The following KAT6B variants were observed in gnomAD, a reference collection of about 807,000 sequenced individuals.
The protein encoded by KAT6B is histone acetyltransferase KAT6B.
In KAT6B, 10 loss-of-function variants were observed where a neutral mutation model predicts 187.5. The observed-to-expected ratio is 0.05, with a 90% confidence interval of 0.03 to 0.09. KAT6B has a LOEUF of 0.09. Among genes scored for constraint, KAT6B ranks in the 10% least tolerant of loss-of-function variants. KAT6B has a pLI of 1.00. For synonymous variants in KAT6B, 861 were observed against 926.8 expected, an observed-to-expected ratio of 0.93 and a Z score of 1.29; for missense variants, 1,952 against 2,558.9, an observed-to-expected ratio of 0.76 and a Z score of 5.12.
At chr10:75,001,504 C>T (rs1344677020) in intron 13 of KAT6B, among the ~76,000 whole-genome samples, 1 of 152,184 alleles carries the variant, frequency 6.6e-6, no homozygotes, top group African/African-American at 2.4e-5. Context: ...AAAGCTGCTT[C>T]TTCCCAGAAT....
intron 13 of KAT6B, among the ~76,000 whole-genome samples, chr10:74,990,185 A>ACT: frequency 8.2e-6 from 1 of 122,116 alleles, no homozygotes; most frequent in African/African-American, 3.2e-5. Flanking sequence ...ACAGAGTGAG[A>ACT]GACTCTGTCT....
At chr10:74,898,902 G>A (rs568135271) in intron 3 of KAT6B, among the ~76,000 whole-genome samples, 39 of 151,420 alleles carry the variant, frequency 2.6e-4, no homozygotes, top group Middle Eastern at 3.4e-3. Context: ...TGTAATCCTA[G>A]CACTCTGGGA....
intron 6 of KAT6B, among the ~76,000 whole-genome samples, chr10:74,972,103 G>A (rs937909832): frequency 6.6e-5 from 10 of 151,624 alleles, no homozygotes; most frequent in African/African-American, 1.7e-4. Flanking sequence ...TTTAGTGTTG[G>A]AACTTTCCAG....
intron 3 of KAT6B, among the ~76,000 whole-genome samples, chr10:74,881,809 G>A (rs7911450): frequency 0.3 from 45,522 of 152,084 alleles, 12,306 homozygotes; most frequent in African/African-American, 0.71. Context: ...TCATGTCACT[G>A]TGCCTGGCTA....
At chr10:74,972,295 G>A (rs1014790403) in intron 6 of KAT6B, among the ~76,000 whole-genome samples, 1 of 152,086 alleles carries the variant, frequency 6.6e-6, no homozygotes, top group African/African-American at 2.4e-5. Flanking sequence ...TTCTGAGAGA[G>A]GGGCCACCTC....
In KAT6B at chr10:74,988,527, C is replaced by T. The variant is rs1842948478; in HGVS notation, c.2536-492C>T. ...TTCATAGGAGAAATATATGTGTGCA[C>T]ATCTACCCACACAGATACTGTTTTA... On this transcript the variant is annotated intron_variant, in intron 12 of 17. Transcript: ENST00000287239. Among the ~76,000 whole-genome samples the T allele has an allele frequency of 5.9e-5, 9 of 152,218 alleles. No individual in the cohort carries two copies. In the South Asian group the frequency reaches 1.9e-3, roughly 31 times the overall value.
intron 4 of KAT6B, among the ~76,000 whole-genome samples, chr10:74,961,282 ACT>A (rs1476330428): frequency 1.3e-5 from 2 of 151,754 alleles, no homozygotes; most frequent in African/African-American, 2.4e-5. Context: ...ATCAGTTCTG[ACT>A]CTGTCGTTAT....
At chr10:74,981,293 T>TGC (rs1471883880) in intron 10 of KAT6B, among the ~76,000 whole-genome samples, 1 of 148,984 alleles carries the variant, frequency 6.7e-6, no homozygotes, top group East Asian at 2.0e-4. Flanking sequence ...TTGGCTGGCT[T>TGC]TCTTTCTTTC....
chr10:74,898,418 T>C (rs866554184), intron 3 of KAT6B, among the ~76,000 whole-genome samples: 4 of 152,274 alleles, frequency 2.6e-5, no homozygotes, highest in Middle Eastern at 3.4e-3. Flanking sequence ...TTTTCTAACA[T>C]TGTCTCAGTG....
At chr10:74,902,541 G>A (rs557263406) in intron 3 of KAT6B, among the ~76,000 whole-genome samples, 109 of 152,236 alleles carry the variant, frequency 7.2e-4, no homozygotes, top group South Asian at 1.7e-3. Flanking sequence ...CCTGTAAACC[G>A]ACTATTCAAA....
intron 3 of KAT6B, among the ~76,000 whole-genome samples, chr10:74,854,056 G>C (rs1331248337): frequency 1.2e-4 from 19 of 152,176 alleles, no homozygotes; most frequent in Admixed American, 1.2e-3. Flanking sequence ...ACTGTTCTCT[G>C]ATCACACTAG....
At chr10:75,007,843 G>A (rs1299322265) in intron 13 of KAT6B, among the ~76,000 whole-genome samples, 1 of 152,080 alleles carries the variant, frequency 6.6e-6, no homozygotes, top group African/African-American at 2.4e-5. Context: ...ATTTATTGGT[G>A]GCATCCTACT....
chr10:74,875,026 C>G (rs1844308608), intron 3 of KAT6B, among the ~76,000 whole-genome samples: 1 of 152,092 alleles, frequency 6.6e-6, no homozygotes. Flanking sequence ...ATTGCACAGC[C>G]TTATCACCCA....
chr10:74,961,734 C>T (rs1352568525), intron 4 of KAT6B, among the ~76,000 whole-genome samples: 1 of 152,188 alleles, frequency 6.6e-6, no homozygotes, highest in Non-Finnish European at 1.5e-5. Context: ...TTTGAGGTCA[C>T]TGAAAATTTC....
intron 3 of KAT6B, among the ~76,000 whole-genome samples, chr10:74,847,125 G>C (rs1354668661): frequency 6.6e-6 from 1 of 152,160 alleles, no homozygotes; most frequent in East Asian, 1.9e-4. Flanking sequence ...GTCTAGGATT[G>C]AGAGCAGAGT....
chr10:75,031,257 C>A lies in KAT6B; in HGVS notation c.*211C>A. The A allele has an allele frequency of 1.7e-6, 1 of 584,786 alleles. No homozygotes were observed. The highest frequency in any genetic ancestry group is 3.0e-6 in the Non-Finnish European group (1 of 337,416). The allele number at this position is 584,786 out of a possible 1,614,324, so 36.2% of individuals were successfully genotyped here. ...TTTTCCTTTTTCTTTTTTTTGGTAC[C>A]TTCATTTCTGTTACTTTTATATAAA... On this transcript the variant is annotated 3_prime_UTR_variant, in exon 18 of 18. Transcript: ENST00000287239.
intron 3 of KAT6B, among the ~76,000 whole-genome samples, chr10:74,858,283 A>ATTTTTTT (rs755754008): frequency 2.2e-5 from 3 of 135,142 alleles, no homozygotes; most frequent in Non-Finnish European, 4.8e-5. Context: ...TGGATGGGCA[A>ATTTTTTT]TTTTTTTTTT....
chr10:75,025,244 G>A lies in KAT6B; in HGVS notation c.3659G>A (p.Cys1220Tyr), dbSNP rs1380765718. 5 of 1,614,004 alleles carry A rather than the reference G, an allele frequency of 3.1e-6. No homozygotes were observed. The Admixed American group carries it at 5.0e-5, about 16-fold the overall frequency. Residue 1220 changes from cysteine (C) to tyrosine (Y), a missense_variant, in exon 17 of 18, where the codon TGT (cysteine) becomes TAT (tyrosine). Transcript: ENST00000287239. ...CATTGCTTCAAGAATGCTGACCCTT[G>A]TAGAAGTAAGTAGAGGAATGATAAA... The part of the protein sequence containing the change: ...DNHCFKNADP[C>Y]RNNMNDDSSN...
At chr10:74,957,596 T>G (rs1035100722) in intron 3 of KAT6B, among the ~76,000 whole-genome samples, 1 of 152,246 alleles carries the variant, frequency 6.6e-6, no homozygotes, top group African/African-American at 2.4e-5. Flanking sequence ...AGATTTGGAT[T>G]TGTTTCATTG....
Sources: allele counts gnomAD v4.1 joint callset (sites outside exome capture counted in the v4.1 genomes callset), GRCh38; gene constraint gnomAD v4.1.1; transcripts MANE v1.5; gene names NCBI Gene and HGNC (gene_info 2026-07-23, HGNC 2026-07-21).